PAX5: variants seen among roughly 807,000 people sequenced by gnomAD.
PAX5 encodes paired box protein Pax-5.
Under a neutral mutation model 43.7 loss-of-function variants are expected in PAX5, and 9 were observed. That is an observed-to-expected ratio of 0.21 (90% CI 0.12 to 0.36). The LOEUF (loss-of-function observed/expected upper bound fraction) is 0.36. PAX5 is among the 10% of genes least tolerant of loss of function. The pLI is 1.00. For missense variants in PAX5, 383 were observed against 532.7 expected (o/e 0.72, Z 2.77); for synonymous variants, 228 against 214.3 (o/e 1.06, Z -0.56).
At chr9:37,018,915 G>A (rs1839624085) in intron 2 of PAX5, among the ~76,000 whole-genome samples, 1 of 152,148 alleles carries the variant, frequency 6.6e-6, no homozygotes, top group South Asian at 2.1e-4. Context: ...CACATGTTTG[G>A]ATGTCCCCTC....
chr9:37,003,882 C>A lies in PAX5; in HGVS notation c.476-1106G>T, dbSNP rs544793265. Reference sequence around the variant, plus strand: ...AAAGAGACAGAGTGGTGATTTGAACCCAGAGACTAAAGCCTCAAACCCTAT... The same window carrying A: ...AAAGAGACAGAGTGGTGATTTGAACACAGAGACTAAAGCCTCAAACCCTAT... On this transcript the variant is annotated intron_variant, in intron 4 of 9. Transcript: ENST00000358127. Among the ~76,000 whole-genome samples, 6 of 152,262 alleles carry A rather than the reference C, an allele frequency of 3.9e-5. No homozygotes were observed. In the South Asian group the frequency reaches 1.2e-3, roughly 32 times the overall value.
chr9:36,864,089 T>A (rs1043267412), intron 8 of PAX5, among the ~76,000 whole-genome samples: 8 of 152,310 alleles, frequency 5.3e-5, no homozygotes, highest in South Asian at 2.1e-4. Context: ...AGCCTGGGCA[T>A]CAGAGCGAGA....
At chr9:36,896,999 T>C (rs1029353438) in intron 7 of PAX5, among the ~76,000 whole-genome samples, 2 of 152,202 alleles carry the variant, frequency 1.3e-5, no homozygotes, top group Non-Finnish European at 2.9e-5. Flanking sequence ...ACTGCAGACC[T>C]TCTGGAGGAG....
intron 6 of PAX5, among the ~76,000 whole-genome samples, chr9:36,952,204 C>T (rs1243068904): frequency 4.5e-5 from 4 of 89,498 alleles, no homozygotes; most frequent in South Asian, 4.4e-4. Flanking sequence ...ATGAGTCCTT[C>T]TGTTTTTTTA....
intron 6 of PAX5, among the ~76,000 whole-genome samples, chr9:36,952,047 A>G (rs2132113532): frequency 6.6e-6 from 1 of 152,224 alleles, no homozygotes; most frequent in Non-Finnish European, 1.5e-5. Flanking sequence ...AACTTCCAAA[A>G]CTATGAATTA....
chr9:36,882,501 T>C lies in PAX5; in HGVS notation c.911-396A>G, dbSNP rs1826536957. ...TCCATCTCCACACTGTTGTTTCTGC[T>C]ATGTCCTTTGTACAAAGTCCCCCTT... On this transcript the variant is annotated intron_variant, in intron 7 of 9. Coordinates refer to ENST00000358127, the MANE Select transcript of PAX5 (RefSeq NM_016734.3). The surrounding 1 kb of genome is among the most constrained non-coding windows in gnomAD (Gnocchi z 4.4). Among the ~76,000 whole-genome samples, 1 of 152,198 alleles carries C rather than the reference T, an allele frequency of 6.6e-6. No homozygotes were observed. Among genetic ancestry groups the C allele is most frequent in the Non-Finnish European group, 1.5e-5 (1 of 68,036 alleles).
intron 8 of PAX5, among the ~76,000 whole-genome samples, chr9:36,858,875 A>G (rs1283405697): frequency 6.6e-6 from 1 of 152,160 alleles, no homozygotes; most frequent in Admixed American, 6.5e-5. Flanking sequence ...CTGAGGCCTG[A>G]ATGTCCCGCC....
At chr9:36,932,585 T>C (rs1272563215) in intron 6 of PAX5, among the ~76,000 whole-genome samples, 1 of 152,204 alleles carries the variant, frequency 6.6e-6, no homozygotes, top group Non-Finnish European at 1.5e-5. Flanking sequence ...AGAGATTAAC[T>C]ATAAACCAGC....
At chr9:36,984,647 G>A (rs1240297051) in intron 5 of PAX5, among the ~76,000 whole-genome samples, 4 of 151,522 alleles carry the variant, frequency 2.6e-5, no homozygotes, top group Admixed American at 2.0e-4. Flanking sequence ...TATTTTTAGG[G>A]GTTTCATCAT....
At chr9:36,866,922 T>G (rs1824942915) in intron 8 of PAX5, among the ~76,000 whole-genome samples, 1 of 152,106 alleles carries the variant, frequency 6.6e-6, no homozygotes, top group Admixed American at 6.5e-5. Flanking sequence ...GCTAACAGCC[T>G]TCAAAGCTTC....
intron 7 of PAX5, among the ~76,000 whole-genome samples, chr9:36,910,468 G>A (rs1829176290): frequency 6.6e-6 from 1 of 152,208 alleles, no homozygotes; most frequent in Non-Finnish European, 1.5e-5. Context: ...GGACATTGGG[G>A]TGTATCTCCT....
At chr9:36,904,421 A>G (rs901958563) in intron 7 of PAX5, among the ~76,000 whole-genome samples, 2 of 152,148 alleles carry the variant, frequency 1.3e-5, no homozygotes, top group African/African-American at 4.8e-5. Flanking sequence ...AAAGGCAAAC[A>G]CTTCTCTGGA....
intron 5 of PAX5, among the ~76,000 whole-genome samples, chr9:36,990,608 A>T (rs1392046108): frequency 6.6e-6 from 1 of 152,266 alleles, no homozygotes; most frequent in Non-Finnish European, 1.5e-5. Context: ...CTACAGCAAT[A>T]GTCCAAATGA....
At chr9:36,889,941 CGG>C (rs68091267) in intron 7 of PAX5, among the ~76,000 whole-genome samples, 9,483 of 92,116 alleles carry the variant, frequency 0.1, 416 homozygotes, top group South Asian at 0.21. Flanking sequence ...TGTACACTAA[CGG>C]GGGGGGGGGG....
chr9:36,923,101 C>A, intron 7 of PAX5: 1 of 437,722 alleles, frequency 2.3e-6, no homozygotes. Context: ...TTCCTGCCCC[C>A]TACCCCAAGT....
In PAX5 at chr9:36,846,943, G is replaced by A. The variant is rs1822648117; in HGVS notation, c.1013-14C>T. On this transcript the variant is annotated splice_polypyrimidine_tract_variant and intron_variant, in intron 8 of 9. Transcript: ENST00000358127. Reference sequence around the variant, plus strand: ...AAAACTCACTCCCTGTGTATGGTGGGTGGAGAGAGAAACAGGAACCAAACG... The same window carrying A: ...AAAACTCACTCCCTGTGTATGGTGGATGGAGAGAGAAACAGGAACCAAACG... 1.9e-6 allele frequency: 3 copies of A among 1,583,632 alleles called. No homozygotes were observed. The highest frequency in any genetic ancestry group is 2.2e-5 in the South Asian group (2 of 90,356).
intron 8 of PAX5, among the ~76,000 whole-genome samples, chr9:36,869,946 G>A (rs1474812743): frequency 6.8e-6 from 1 of 146,834 alleles, no homozygotes; most frequent in Non-Finnish European, 1.5e-5. Flanking sequence ...ATAAATGGAT[G>A]GATGGATGGA....
At chr9:36,859,831 G>A (rs113925925) in intron 8 of PAX5, among the ~76,000 whole-genome samples, 5,834 of 152,194 alleles carry the variant, frequency 0.038, 167 homozygotes, top group South Asian at 0.088. Context: ...TCAGGAGATC[G>A]AGACCATCCT....
chr9:36,979,137 C>T (rs2132266052), intron 5 of PAX5, among the ~76,000 whole-genome samples: 1 of 152,286 alleles, frequency 6.6e-6, no homozygotes, highest in East Asian at 1.9e-4. Context: ...AGAGCTTGAC[C>T]TGTTAGATGT....
Sources: allele counts gnomAD v4.1 joint callset (sites outside exome capture counted in the v4.1 genomes callset), GRCh38; gene constraint gnomAD v4.1.1; non-coding constraint Gnocchi (gnomAD v3.1); transcripts MANE v1.5; gene names NCBI Gene and HGNC (gene_info 2026-07-23, HGNC 2026-07-21).